The following SMG1 variants were observed in gnomAD, a reference collection of about 807,000 sequenced individuals.
SMG1 encodes SMG1 nonsense mediated mRNA decay associated PI3K related kinase.
In SMG1, 22 loss-of-function variants were observed where a neutral mutation model predicts 419.9. That is an observed-to-expected ratio of 0.05 (90% confidence interval 0.04 to 0.07). SMG1 has a LOEUF of 0.07. SMG1 is among the 10% of genes least tolerant of loss of function. The probability of loss-of-function intolerance (pLI) is 1.00; values close to 1 mark genes in which losing one functional copy is unlikely to be tolerated. For synonymous variants in SMG1, 1,538 were observed against 1,553.5 expected, an observed-to-expected ratio of 0.99 and a Z score of 0.23; for missense variants, 3,185 against 4,342.0, an observed-to-expected ratio of 0.73 and a Z score of 7.49.
intron 1 of SMG1, among the ~76,000 whole-genome samples, chr16:18,915,807 G>C (rs1335903478): frequency 3.3e-5 from 5 of 151,424 alleles, no homozygotes; most frequent in Non-Finnish European, 7.4e-5. Flanking sequence ...GGTGGCTCAC[G>C]CCTGTAATCC....
chr16:18,860,620 G>A (rs1231404156), intron 26 of SMG1, 47 bp downstream of exon 26: 7 of 797,046 alleles, frequency 8.8e-6, no homozygotes, highest in Admixed American at 2.2e-5. Context: ...CAAACATTTT[G>A]AGCAACTTGT....
intron 3 of SMG1, 79 bp downstream of exon 3, chr16:18,895,969 CGTTA>C (rs1189233668): frequency 1.7e-6 from 2 of 1,206,420 alleles, no homozygotes; most frequent in East Asian, 2.3e-5. Flanking sequence ...CTGTGCAAGG[CGTTA>C]GTAAGAGGCA....
At position 18,882,174 on chromosome 16, in the gene SMG1, A is replaced by G. The variant is rs148011118; in HGVS notation, c.1284T>C (p.Tyr428=). ...PIRGPPITEA[Y]VTDVLYRVMR... is the part of the protein sequence containing the mutation. Reference sequence around the variant, plus strand: ...GCCCAAAAGCACTTACATCTGTTACATATGCCTCAGTAATTGGAGGACCCC... The same window carrying G: ...GCCCAAAAGCACTTACATCTGTTACGTATGCCTCAGTAATTGGAGGACCCC... The change falls in exon 10 of 63, where the codon TAT becomes TAC. Residue 428 remains tyrosine (Y), a synonymous_variant. Coordinates refer to ENST00000446231, the MANE Select transcript of SMG1 (RefSeq NM_015092.5). The G allele has an allele frequency of 5.8e-4, 911 of 1,580,774 alleles. 2 individuals are homozygous for G. In the African/African-American group the frequency reaches 6.8e-3, roughly 12 times the overall value.
At chr16:18,817,073 A>G (rs976313245) in intron 57 of SMG1, among the ~76,000 whole-genome samples, 2 of 124,742 alleles carry the variant, frequency 1.6e-5, no homozygotes, top group Non-Finnish European at 3.1e-5. Context: ...GATCCTTTAC[A>G]CTTCCTCATT....
chr16:18,810,283 T>A (rs1231462976), intron 62 of SMG1, among the ~76,000 whole-genome samples: 2 of 152,202 alleles, frequency 1.3e-5, no homozygotes, highest in East Asian at 1.9e-4. Context: ...ACATCACTGA[T>A]GTTGCATTCC....
rs9937446 is a variant in SMG1 at position 18,839,583 on chromosome 16, C to T, written c.6945+115G>A. On this transcript the variant is annotated intron_variant, in intron 42 of 62. Coordinates refer to ENST00000446231, the MANE Select transcript of SMG1 (RefSeq NM_015092.5). Reference sequence around the variant, plus strand: ...ATTAAACTCAAATATACGTCTCAAACTACCAAGTCTGGAGGGACAGAGGAA... The same window carrying T: ...ATTAAACTCAAATATACGTCTCAAATTACCAAGTCTGGAGGGACAGAGGAA... The T allele has an allele frequency of 0.064, 87,703 of 1,368,172 alleles. 3,109 individuals carry two copies. Among genetic ancestry groups the T allele is most frequent in the African/African-American group, 0.093 (6,447 of 68,992 alleles). The allele number at this position is 1,368,172 out of a possible 1,614,324, so 84.8% of individuals were successfully genotyped here. A position where few individuals can be genotyped will look rare whatever the true frequency, so the allele number is the denominator to read the frequency against.
At chr16:18,874,930 A>G (rs757211006) in intron 13 of SMG1, among the ~76,000 whole-genome samples, 3 of 143,180 alleles carry the variant, frequency 2.1e-5, no homozygotes, top group Non-Finnish European at 3.0e-5. Flanking sequence ...CCCCTAAAAG[A>G]AGGACTACGG....
At chr16:18,830,432 C>T in intron 51 of SMG1, 63 bp from the exon 52 acceptor site, 1 of 1,553,686 alleles carries the variant, frequency 6.4e-7, no homozygotes, top group Non-Finnish European at 8.9e-7. Flanking sequence ...TGGGAACATA[C>T]AAAGTCAGTA....
chr16:18,901,892 C>T (rs2037359068), intron 1 of SMG1, among the ~76,000 whole-genome samples: 1 of 140,514 alleles, frequency 7.1e-6, no homozygotes, highest in South Asian at 2.2e-4. Flanking sequence ...TTTCAGTGAG[C>T]TGAGATCATG....
intron 39 of SMG1, among the ~76,000 whole-genome samples, chr16:18,844,150 C>G (rs2034091195): frequency 6.6e-6 from 1 of 151,916 alleles, no homozygotes. Context: ...AAACGCAGGC[C>G]GGGAGCAGTG....
intron 60 of SMG1, among the ~76,000 whole-genome samples, chr16:18,814,532 A>T (rs1313482523): frequency 6.6e-6 from 1 of 152,054 alleles, no homozygotes; most frequent in Non-Finnish European, 1.5e-5. Context: ...CAATTTTTTT[A>T]AAGAAAACTA....
At chr16:18,841,012 A>T (rs1463047395) in intron 41 of SMG1, among the ~76,000 whole-genome samples, 1 of 152,074 alleles carries the variant, frequency 6.6e-6, no homozygotes, top group Admixed American at 6.6e-5. Flanking sequence ...ATGAGCTATG[A>T]TCATACCACT....
chr16:18,852,467 C>A lies in SMG1; in HGVS notation c.4769-5G>T. 6.6e-7 allele frequency: 1 copy of A among 1,511,134 alleles called. No homozygotes were observed. The highest frequency in any genetic ancestry group is 2.4e-5 in the East Asian group (1 of 41,756). The allele number at this position is 1,511,134 out of a possible 1,614,324, so 93.6% of individuals were successfully genotyped here. A position where few individuals can be genotyped will look rare whatever the true frequency, so the allele number is the denominator to read the frequency against. ...GTTCTCCAACTCCAATATGCACTGC[C>A]AAAATGGACAAAAAAATAATTATAA... On this transcript the variant is annotated splice_polypyrimidine_tract_variant and splice_region_variant and intron_variant, in intron 31 of 62. Coordinates refer to ENST00000446231, the MANE Select transcript of SMG1 (RefSeq NM_015092.5).
chr16:18,898,423 A>G (rs1228152078), intron 1 of SMG1, among the ~76,000 whole-genome samples: 1 of 137,388 alleles, frequency 7.3e-6, no homozygotes, highest in African/African-American at 2.5e-5. Context: ...AGAAAAATGT[A>G]TGAGAATATT....
In SMG1 at chr16:18,838,188, C is replaced by T. The variant is rs1350973736; in HGVS notation, c.7239G>A (p.Leu2413=). Residue 2413 remains leucine (L), a synonymous_variant, in exon 45 of 63, where the codon CTG becomes CTA. Transcript: ENST00000446231. ...MRRGRETLLT[L]LEAFVYDPLV... is the part of the protein sequence containing the mutation. ...GAGGGTCGTACACAAAGGCCTCCAG[C>T]AGCGTCAGCAGGGTCTCTCTGCCAC... 6.2e-7 allele frequency: 1 copy of T among 1,612,792 alleles called. No individual in the cohort carries two copies. The highest frequency in any genetic ancestry group is 8.5e-7 in the Non-Finnish European group (1 of 1,179,232).
rs762007125 is a variant in SMG1, at chr16:18,817,453, G to A, written c.9912C>T (p.Ser3304=). 1.9e-6 allele frequency: 3 copies of A among 1,578,550 alleles called. No homozygotes were observed. The South Asian group carries it at 3.5e-5, about 18-fold the overall frequency. ...GTAAACTTTCAAAATGAATGATATT[G>A]CTGCAGAGAAATGTGACCTGTAAAG... ...QRASQVTFLC[S]NIIHFESLRT... The change falls in exon 57 of 63, where the codon AGC becomes AGT. Residue 3304 remains serine (S), a synonymous_variant. Transcript: ENST00000446231.
Position 18,850,342 on chromosome 16 carries a change from A to G in SMG1, c.5178T>C (p.Thr1726=), listed in dbSNP as rs1032037789. 12 of 1,613,862 alleles carry G rather than the reference A, an allele frequency of 7.4e-6. No individual in the cohort carries two copies. The African/African-American group carries it at 8.0e-5, about 11-fold the overall frequency. The change falls in exon 34 of 63, where the codon ACT becomes ACC. Residue 1726 remains threonine, a synonymous_variant. Transcript: ENST00000446231. The part of the protein sequence containing the change: ...PWLSELDESA[T]EGVIKVWRKV... ...TCCTCCACACTTTAATAACTCCTTC[A>G]GTTGCACTTTCATCAAGTTCTGAAA... is the stretch of plus-strand genomic sequence containing the variant.
intron 1 of SMG1, among the ~76,000 whole-genome samples, chr16:18,923,075 G>A (rs1173076042): frequency 6.6e-6 from 1 of 151,914 alleles, no homozygotes; most frequent in Non-Finnish European, 1.5e-5. Flanking sequence ...GCAAGACCCT[G>A]TTCTCAAAAA....
At chr16:18,812,567 T>C (rs2031522985) in intron 60 of SMG1, among the ~76,000 whole-genome samples, 2 of 150,450 alleles carry the variant, frequency 1.3e-5, no homozygotes, top group South Asian at 4.2e-4. Flanking sequence ...TATATACATA[T>C]ATATACACAC....
Sources: allele counts gnomAD v4.1 joint callset (sites outside exome capture counted in the v4.1 genomes callset), GRCh38; gene constraint gnomAD v4.1.1; transcripts MANE v1.5; gene names NCBI Gene and HGNC (gene_info 2026-07-23, HGNC 2026-07-21).